Variants in LHFPL3 observed in about 807,000 individuals in gnomAD.
The protein encoded by LHFPL3 is LHFPL tetraspan subfamily member 3 protein.
LHFPL3 carries 5 observed loss-of-function variants against 19.3 expected under a neutral mutation model. The observed-to-expected ratio is 0.26, with a 90% CI of 0.14 to 0.54. LHFPL3 has a LOEUF of 0.54. Ranked by LOEUF, LHFPL3 falls within the 20% of genes least tolerant of loss-of-function variation. The pLI is 0.94. For synonymous variants in LHFPL3, 133 were observed against 126.2 expected, an observed-to-expected ratio of 1.05 and a Z score of -0.36; for missense variants, 249 against 307.4, an observed-to-expected ratio of 0.81 and a Z score of 1.42.
intron 1 of LHFPL3, among the ~76,000 whole-genome samples, chr7:104,730,886 A>G (rs1399129921): frequency 6.6e-6 from 1 of 152,160 alleles, no homozygotes; most frequent in Non-Finnish European, 1.5e-5. Flanking sequence ...TAGGTCTAAC[A>G]TGTAAGTCTT....
At chr7:104,407,802 G>T (rs575043771) in intron 1 of LHFPL3, among the ~76,000 whole-genome samples, 2 of 152,294 alleles carry the variant, frequency 1.3e-5, no homozygotes, top group African/African-American at 4.8e-5. Flanking sequence ...CTCCAACTTG[G>T]AATGAAATAA....
chr7:104,668,582 C>T, intron 1 of LHFPL3: 1 of 1,612,686 alleles, frequency 6.2e-7, no homozygotes, highest in East Asian at 2.2e-5. Context: ...GAGCATTTGG[C>T]AGTGGGTATC....
chr7:104,346,995 A>G (rs1790080172), intron 1 of LHFPL3, among the ~76,000 whole-genome samples: 2 of 150,440 alleles, frequency 1.3e-5, no homozygotes, highest in Non-Finnish European at 3.0e-5. Context: ...TTACAGGGTA[A>G]TTGTATGACC....
intron 1 of LHFPL3, among the ~76,000 whole-genome samples, chr7:104,420,798 G>A (rs577712043): frequency 2.0e-5 from 3 of 152,178 alleles, no homozygotes; most frequent in African/African-American, 4.8e-5. Context: ...TCCTGACCTC[G>A]TGATCCGCCC....
At chr7:104,900,318 G>C (rs1792457669) in intron 2 of LHFPL3, among the ~76,000 whole-genome samples, 4 of 152,196 alleles carry the variant, frequency 2.6e-5, no homozygotes, top group Admixed American at 2.6e-4. Flanking sequence ...AGTGGAAGAA[G>C]AGAAAGAGAC....
chr7:104,429,818 A>G (rs1791920915), intron 1 of LHFPL3, among the ~76,000 whole-genome samples: 1 of 152,156 alleles, frequency 6.6e-6, no homozygotes. Flanking sequence ...GCAAATCAAC[A>G]AAGAATAATG....
At chr7:104,719,052 T>C (rs1793441156) in intron 1 of LHFPL3, among the ~76,000 whole-genome samples, 1 of 152,214 alleles carries the variant, frequency 6.6e-6, no homozygotes, top group Admixed American at 6.5e-5. Context: ...CTCCTGCAAA[T>C]TACAGATGTG....
chr7:104,493,377 A>G (rs1349782621), intron 1 of LHFPL3, among the ~76,000 whole-genome samples: 6 of 151,334 alleles, frequency 4.0e-5, no homozygotes. Context: ...CTTTTCTGAA[A>G]TGTCATCTAG....
chr7:104,518,453 T>C (rs923340641), intron 1 of LHFPL3, among the ~76,000 whole-genome samples: 4 of 152,066 alleles, frequency 2.6e-5, no homozygotes, highest in African/African-American at 9.7e-5. Flanking sequence ...AGGTTGTACC[T>C]TGTTTTTTAA....
chr7:104,868,865 T>A (rs1378626091), intron 2 of LHFPL3, among the ~76,000 whole-genome samples: 2 of 152,170 alleles, frequency 1.3e-5, no homozygotes, highest in East Asian at 1.9e-4. Context: ...ATGGTACTGG[T>A]ACCAAAACAG....
rs1248847631 is a variant in LHFPL3 at position 104,760,388 on chromosome 7, A to G, written c.682+23477A>G. ...GAACCTTTTTATTCCTTCTTAATTA[A>G]TTATTAAACATAAGTATAGCATTTT... On this transcript the variant is annotated intron_variant, in intron 2 of 2. Transcript: ENST00000424859. 2.0e-5 allele frequency among the ~76,000 whole-genome samples: 3 copies of G among 152,170 alleles called. No homozygotes were observed. The East Asian group carries it at 5.8e-4, about 29-fold the overall frequency.
chr7:104,844,899 C>G (rs753256389), intron 2 of LHFPL3, among the ~76,000 whole-genome samples: 1 of 152,158 alleles, frequency 6.6e-6, no homozygotes, highest in Non-Finnish European at 1.5e-5. Flanking sequence ...ACCACTACAC[C>G]CAGCTAAATT....
Position 104,726,777 on chromosome 7 carries a change from G to C in LHFPL3, c.446-9898G>C, listed in dbSNP as rs369488235. Among the ~76,000 whole-genome samples the C allele has an allele frequency of 6.6e-5, 10 of 152,238 alleles. No homozygotes were observed. In the South Asian group the frequency reaches 1.7e-3, roughly 25 times the overall value. On this transcript the variant is annotated intron_variant, in intron 1 of 2. Coordinates refer to ENST00000424859, the MANE Select transcript of LHFPL3 (RefSeq NM_199000.3). ...TTCCATGTCTTCGCTATTGTGAACAGTGCTGCAATAAACATATGCATGCAT... is the reference window on the plus strand; with the variant it reads ...TTCCATGTCTTCGCTATTGTGAACACTGCTGCAATAAACATATGCATGCAT...
At chr7:104,597,625 C>T (rs1465687249) in intron 1 of LHFPL3, among the ~76,000 whole-genome samples, 1 of 152,154 alleles carries the variant, frequency 6.6e-6, no homozygotes, top group Non-Finnish European at 1.5e-5. Flanking sequence ...TAATTGAAGT[C>T]TGAAATGGAA....
At chr7:104,547,984 G>A (rs541602752) in intron 1 of LHFPL3, among the ~76,000 whole-genome samples, 1 of 152,246 alleles carries the variant, frequency 6.6e-6, no homozygotes, top group East Asian at 1.9e-4. Context: ...AGTCTGGGAG[G>A]AAGTGGTACA....
intron 1 of LHFPL3, among the ~76,000 whole-genome samples, chr7:104,502,187 T>C (rs41027): frequency 0.13 from 19,193 of 152,208 alleles, 1,308 homozygotes; most frequent in African/African-American, 0.16. Context: ...TGTAGTCTCC[T>C]AACTGTATAG....
intron 1 of LHFPL3, among the ~76,000 whole-genome samples, chr7:104,347,434 T>C (rs1790092117): frequency 6.6e-6 from 1 of 152,096 alleles, no homozygotes; most frequent in South Asian, 2.1e-4. Context: ...TTTTTGGAGT[T>C]AGGGATTGGG....
chr7:104,464,304 G>A (rs1181848622), intron 1 of LHFPL3, among the ~76,000 whole-genome samples: 3 of 152,168 alleles, frequency 2.0e-5, no homozygotes, highest in Non-Finnish European at 4.4e-5. Context: ...TGTTTTCATG[G>A]CAGGTTTTGA....
chr7:104,346,280 C>G (rs1393836638), intron 1 of LHFPL3, among the ~76,000 whole-genome samples: 1 of 151,644 alleles, frequency 6.6e-6, no homozygotes, highest in Non-Finnish European at 1.5e-5. Flanking sequence ...AAGTGATCCA[C>G]CCACCTTGGC....
Sources: gnomAD v4.1 joint callset for allele counts (sites outside exome capture counted in the v4.1 genomes callset) on GRCh38, gnomAD v4.1.1 for gene constraint, MANE v1.5 for transcripts, NCBI Gene and HGNC (gene_info 2026-07-23, HGNC 2026-07-21) for gene names.